BTG4: variants seen among roughly 807,000 people sequenced by gnomAD.
The protein encoded by BTG4 is protein BTG4.
A neutral mutation model predicts 19.3 loss-of-function variants in BTG4; 10 were observed. The ratio of observed to expected loss-of-function variants is 0.52; its 90% CI spans 0.32 to 0.88. The LOEUF is 0.88. BTG4 is among the 40% of genes least tolerant of loss of function. BTG4 has a pLI of 0.04. For missense variants in BTG4, 238 were observed against 281.9 expected, an observed-to-expected ratio of 0.84 and a Z score of 1.11; for synonymous variants, 91 against 95.7, an observed-to-expected ratio of 0.95 and a Z score of 0.29.
chr11:111,469,260 G>C (rs1863912092), intron 5 of BTG4: 1 of 152,378 alleles, frequency 6.6e-6, no homozygotes, highest in Non-Finnish European at 1.5e-5. Context: ...GCTTTGTTCT[G>C]CTGCTGATCC....
rs533704999 is a variant in BTG4 at position 111,500,543 on chromosome 11, C to T, written c.-26-1741G>A. Among the ~76,000 whole-genome samples the T allele has an allele frequency of 5.9e-5, 9 of 152,338 alleles. No individual in the cohort carries two copies. The East Asian group carries it at 1.7e-3, about 29-fold the overall frequency. On this transcript the variant is annotated intron_variant, in intron 1 of 4. Transcript: ENST00000692032. ...CCACCACATGATGACATTTCAAATACTAGCTACTCAGCCTCCCTCAGCTTT... is the reference window on the plus strand; with the variant it reads ...CCACCACATGATGACATTTCAAATATTAGCTACTCAGCCTCCCTCAGCTTT...
chr11:111,495,373 C>A (rs918512884), intron 4 of BTG4, 59 bp from the exon 5 acceptor site: 31 of 1,414,484 alleles, frequency 2.2e-5, no homozygotes, highest in South Asian at 2.0e-4. Flanking sequence ...AAATATGAAC[C>A]CATAATTCAA....
At chr11:111,513,408 G>A (rs144943681), upstream of BTG4, 9 of 534,240 alleles carry the variant, frequency 1.7e-5, no homozygotes, top group African/African-American at 3.8e-5. Context: ...ACGTGTTGGG[G>A]TACCAACTTG....
At chr11:111,510,208 C>T (rs1253177398) in intron 1 of BTG4, among the ~76,000 whole-genome samples, 9 of 152,132 alleles carry the variant, frequency 5.9e-5, no homozygotes, top group Non-Finnish European at 8.8e-5. Context: ...CAACCCCCGG[C>T]CTGTCTCCAC....
At chr11:111,403,486 C>G in the BTG4 span, among the ~76,000 whole-genome samples, 1 of 152,180 alleles carries the variant, frequency 6.6e-6, no homozygotes, top group South Asian at 2.1e-4. Flanking sequence ...CAGTTTATTT[C>G]TGGGCCAGAA....
the BTG4 span, among the ~76,000 whole-genome samples, chr11:111,460,002 G>T: frequency 1.3e-5 from 2 of 152,174 alleles, no homozygotes; most frequent in South Asian, 4.2e-4. Context: ...TAGATTATTG[G>T]GTCCTTTCAA....
rs549598003 is a variant in BTG4, at chr11:111,502,472, G to T, written c.-26-3670C>A. Among the ~76,000 whole-genome samples the T allele has an allele frequency of 4.6e-5, 7 of 152,224 alleles. No individual in the cohort carries two copies. In the South Asian group the frequency reaches 1.5e-3, roughly 32 times the overall value. On this transcript the variant is annotated intron_variant, in intron 1 of 4. Coordinates refer to ENST00000692032, the MANE Select transcript of BTG4 (RefSeq NM_001367975.1). ...TTTAACAGATTATTAGGACAAATTT[G>T]CATCATTTATTCTCGTATTTTCTAG...
chr11:111,456,203 A>G, the BTG4 span, among the ~76,000 whole-genome samples: 2 of 152,154 alleles, frequency 1.3e-5, no homozygotes, highest in East Asian at 3.9e-4. The surrounding 1 kb of genome is among the most constrained non-coding windows in gnomAD (Gnocchi z 4.2). Flanking sequence ...TAAATGATGA[A>G]CCTGTCTTGG....
chr11:111,503,770 A>G lies in BTG4; in HGVS notation c.-26-4968T>C, dbSNP rs12270114. ...ATGAATATGACTGACATGACCTTGT[A>G]CAAGTAATAGTTTCTAGAATTGCAT... On this transcript the variant is annotated intron_variant, in intron 1 of 4. Transcript: ENST00000692032. Among the ~76,000 whole-genome samples the G allele has an allele frequency of 2.4e-3, 367 of 152,262 alleles. 2 individuals are homozygous for G. Among genetic ancestry groups the G allele is most frequent in the African/African-American group, 8.4e-3 (348 of 41,572 alleles).
chr11:111,416,198 G>C, the BTG4 span, among the ~76,000 whole-genome samples: 73 of 152,216 alleles, frequency 4.8e-4, no homozygotes, highest in Non-Finnish European at 8.2e-4. Context: ...GTACTACTGA[G>C]GGTTGAGCCT....
At chr11:111,459,490 T>C in the BTG4 span, 1 of 152,326 alleles carries the variant, frequency 6.6e-6, no homozygotes, top group Non-Finnish European at 1.5e-5. Context: ...AAGTTGAGCC[T>C]AAAGAAAACA....
At chr11:111,390,916 A>T in the BTG4 span, among the ~76,000 whole-genome samples, 10 of 152,258 alleles carry the variant, frequency 6.6e-5, no homozygotes, top group Non-Finnish European at 1.3e-4. Flanking sequence ...AAGCTGACTC[A>T]GACCCACCTC....
chr11:111,509,122 C>G (rs1311564729), intron 1 of BTG4, among the ~76,000 whole-genome samples: 1 of 152,078 alleles, frequency 6.6e-6, no homozygotes, highest in South Asian at 2.1e-4. Context: ...ATCTGGTGCA[C>G]TCTTACTAAT....
chr11:111,498,279 C>T, intron 2 of BTG4, 144 bp from the exon 3 acceptor site: 1 of 878,340 alleles, frequency 1.1e-6, no homozygotes, highest in Non-Finnish European at 1.8e-6. Context: ...ACCCTCCACT[C>T]TTACAAGTAA....
the BTG4 span, among the ~76,000 whole-genome samples, chr11:111,424,429 T>A: frequency 6.6e-6 from 1 of 152,228 alleles, no homozygotes; most frequent in African/African-American, 2.4e-5. Context: ...GCCCCACAAC[T>A]TGGCATGGAA....
intron 1 of BTG4, among the ~76,000 whole-genome samples, chr11:111,504,547 A>G (rs1866315694): frequency 1.3e-5 from 2 of 152,066 alleles, no homozygotes; most frequent in Admixed American, 1.3e-4. Flanking sequence ...AAAAATACAT[A>G]CATTTATATA....
chr11:111,413,028 G>A, the BTG4 span, among the ~76,000 whole-genome samples: 4 of 152,184 alleles, frequency 2.6e-5, no homozygotes, highest in African/African-American at 9.7e-5. Flanking sequence ...ACTCTAGAAG[G>A]CAGAGTCGGA....
chr11:111,389,190 G>C, the BTG4 span, among the ~76,000 whole-genome samples: 1 of 152,160 alleles, frequency 6.6e-6, no homozygotes, highest in Non-Finnish European at 1.5e-5. Context: ...CTGCACTGCT[G>C]TTTTTCAACT....
downstream of BTG4, among the ~76,000 whole-genome samples, chr11:111,493,126 A>G (rs1033672083): frequency 6.6e-6 from 1 of 152,224 alleles, no homozygotes; most frequent in Non-Finnish European, 1.5e-5. Context: ...AGCCTGGGCA[A>G]CAAAGTGAGA....
Sources: allele counts gnomAD v4.1 joint callset (sites outside exome capture counted in the v4.1 genomes callset), GRCh38; gene constraint gnomAD v4.1.1; non-coding constraint Gnocchi (gnomAD v3.1); transcripts MANE v1.5; gene names NCBI Gene and HGNC (gene_info 2026-07-23, HGNC 2026-07-21).